Variants in GALNT3 observed in about 807,000 individuals in gnomAD.
The protein encoded by GALNT3 is polypeptide N-acetylgalactosaminyltransferase 3, also known as GalNAc transferase 3.
In GALNT3, 51 loss-of-function variants were observed where a neutral mutation model predicts 69.8. That is an observed-to-expected ratio of 0.73 (90% CI 0.58 to 0.92). The LOEUF is 0.92. Ranked by LOEUF, GALNT3 falls within the 40% of genes least tolerant of loss-of-function variation. The pLI is 0.00. For missense variants in GALNT3, 711 were observed against 760.0 expected, an observed-to-expected ratio of 0.94 and a Z score of 0.76; for synonymous variants, 265 against 248.5, an observed-to-expected ratio of 1.07 and a Z score of -0.63.
At position 165,761,886 on chromosome 2, in the gene GALNT3, TCC is replaced by T. The variant is rs1688555994; in HGVS notation, c.838+17_838+18del. On this transcript the variant is annotated intron_variant, in intron 4 of 10. Transcript: ENST00000392701. ...AGGGAGGGAAAATGTTACAACCATA[TCC>T]ATACATATATACTTACAGTGAGCAT... 1 of 1,613,260 alleles carries T rather than the reference TCC, an allele frequency of 6.2e-7. No individual in the cohort carries two copies. Among genetic ancestry groups the T allele is most frequent in the Non-Finnish European group, 8.5e-7 (1 of 1,179,390 alleles).
chr2:165,777,471 C>T (rs1037092089), intron 1 of GALNT3, among the ~76,000 whole-genome samples: 7 of 152,092 alleles, frequency 4.6e-5, no homozygotes, highest in Non-Finnish European at 1.0e-4. Context: ...GATAATAAAC[C>T]TTTAAGTGCT....
chr2:165,762,079 A>T, intron 3 of GALNT3, 25 bp from the exon 4 acceptor site: 1 of 1,469,540 alleles, frequency 6.8e-7, no homozygotes, highest in Non-Finnish European at 9.5e-7. Flanking sequence ...AATCAGGGTT[A>T]ATTCTTTCTA....
chr2:165,774,913 T>TC (rs1439992873), intron 1 of GALNT3, among the ~76,000 whole-genome samples: 1 of 139,728 alleles, frequency 7.2e-6, no homozygotes, highest in East Asian at 2.0e-4. Context: ...TTCTCTCTTT[T>TC]TTTTTTTTTT....
At chr2:165,752,559 C>T (rs1278739544) in intron 9 of GALNT3, among the ~76,000 whole-genome samples, 1 of 151,984 alleles carries the variant, frequency 6.6e-6, no homozygotes, top group Non-Finnish European at 1.5e-5. Flanking sequence ...TAGCTATATT[C>T]TATTTAAAAT....
chr2:165,773,740 G>GA (rs1457778443), intron 1 of GALNT3, among the ~76,000 whole-genome samples: 2 of 146,234 alleles, frequency 1.4e-5, no homozygotes, highest in Non-Finnish European at 3.0e-5. Context: ...TTTAAGAGTA[G>GA]AAAAAAAGAG....
chr2:165,792,378 A>G (rs1054128917), intron 1 of GALNT3, among the ~76,000 whole-genome samples: 1 of 152,224 alleles, frequency 6.6e-6, no homozygotes, highest in African/African-American at 2.4e-5. Flanking sequence ...AATTCAGGGA[A>G]CAACTCCTAT....
At chr2:165,758,278 T>G (rs1184747869) in intron 6 of GALNT3, among the ~76,000 whole-genome samples, 1 of 152,148 alleles carries the variant, frequency 6.6e-6, no homozygotes, top group East Asian at 1.9e-4. Context: ...TGAAATCAAA[T>G]ACATAAGGTA....
chr2:165,765,703 T>C (rs1688626477), intron 2 of GALNT3, among the ~76,000 whole-genome samples: 1 of 152,122 alleles, frequency 6.6e-6, no homozygotes, highest in African/African-American at 2.4e-5. Flanking sequence ...TTAGCCAGGA[T>C]GGTCTCGATC....
Position 165,749,748 on chromosome 2 carries a change from G to A in GALNT3, c.1773C>T (p.Ile591=), listed in dbSNP as rs763643230. 7.4e-6 allele frequency: 12 copies of A among 1,613,256 alleles called. No individual in the cohort carries two copies. In the East Asian group the frequency reaches 2.7e-4, roughly 36 times the overall value. The stretch of plus-strand genomic sequence containing the variant: ...ATTAATTGCACTGAGGTACCTTCTG[G>A]ATCTCCCATATCTGCTCTCCAGTGA... ...TVVTGEQIWE[I]QKDQLLYNPF... Residue 591 remains isoleucine (I), a synonymous_variant, in exon 10 of 11, where the codon ATC becomes ATT. Coordinates refer to ENST00000392701, the MANE Select transcript of GALNT3 (RefSeq NM_004482.4).
intron 1 of GALNT3, among the ~76,000 whole-genome samples, chr2:165,774,439 T>C (rs1688810265): frequency 6.6e-6 from 1 of 152,198 alleles, no homozygotes; most frequent in Non-Finnish European, 1.5e-5. Flanking sequence ...ATGTCAGAAA[T>C]CATACTTGTG....
At chr2:165,769,515 A>G (rs1454793799) in intron 2 of GALNT3, among the ~76,000 whole-genome samples, 1 of 151,368 alleles carries the variant, frequency 6.6e-6, no homozygotes, top group African/African-American at 2.4e-5. Flanking sequence ...GCACTTTGGG[A>G]GGCCAAGGCA....
chr2:165,785,692 A>G (rs918940714), intron 1 of GALNT3, among the ~76,000 whole-genome samples: 6 of 152,220 alleles, frequency 3.9e-5, no homozygotes, highest in Non-Finnish European at 8.8e-5. Context: ...ATAAAAAACA[A>G]AAGTCATAGT....
chr2:165,783,893 A>G (rs1683165431), intron 1 of GALNT3, among the ~76,000 whole-genome samples: 1 of 152,146 alleles, frequency 6.6e-6, no homozygotes, highest in South Asian at 2.1e-4. Flanking sequence ...TTTATTATAC[A>G]TAAAATCTGT....
intron 3 of GALNT3, 25 bp downstream of exon 3, chr2:165,764,859 A>G (rs1574003656): frequency 6.2e-7 from 1 of 1,612,704 alleles, no homozygotes; most frequent in Non-Finnish European, 8.5e-7. Flanking sequence ...TTGGGAAACA[A>G]TCTAATTTGC....
rs774681591 is a variant in GALNT3, at chr2:165,761,993, TCTGA to T, written c.746_749del (p.Val249AspfsTer8). On this transcript the variant is annotated frameshift_variant, in exon 4 of 11. Coordinates refer to ENST00000392701, the MANE Select transcript of GALNT3 (RefSeq NM_004482.4). LOFTEE classifies it high-confidence loss of function. Reference sequence around the variant, plus strand: ...TGATCAGACCTTTTCTTTCTCTTTGTCTGACTATTTTTACTATAGAAAATTGTTT... The same window carrying T: ...TGATCAGACCTTTTCTTTCTCTTTGTCTATTTTTACTATAGAAAATTGTTT... 3.0e-5 allele frequency: 49 copies of T among 1,610,150 alleles called. No homozygotes were observed. The highest frequency in any genetic ancestry group is 5.0e-5 in the Admixed American group (3 of 59,990).
intron 1 of GALNT3, among the ~76,000 whole-genome samples, chr2:165,792,810 C>G (rs1394625286): frequency 2.0e-5 from 3 of 151,916 alleles, no homozygotes; most frequent in African/African-American, 7.3e-5. Flanking sequence ...CTAATGGCAG[C>G]GTGTGACTTT....
At chr2:165,788,469 GTGT>G (rs1683274088) in intron 1 of GALNT3, among the ~76,000 whole-genome samples, 1 of 120,902 alleles carries the variant, frequency 8.3e-6, no homozygotes, top group African/African-American at 3.4e-5. Flanking sequence ...CCAAAAGGGT[GTGT>G]GTGTGTGTGT....
rs778066719 is a variant in GALNT3, at chr2:165,759,511, C to A, written c.898G>T (p.Ala300Ser). ...GATGCAATATCTGGACTTACGACAG[C>A]CGTGTAGTTCTCAGCTATTCTGGCC... ...LLARIAENYT[A>S]VVSPDIASID... The change falls in exon 5 of 11, where the codon GCT becomes TCT. Residue 300 changes from alanine to serine, a missense_variant. Coordinates refer to ENST00000392701, the MANE Select transcript of GALNT3 (RefSeq NM_004482.4). 2 of 1,614,012 alleles carry A rather than the reference C, an allele frequency of 1.2e-6. No homozygotes were observed. Among genetic ancestry groups the A allele is most frequent in the South Asian group, 2.2e-5 (2 of 91,078 alleles).
intron 1 of GALNT3, among the ~76,000 whole-genome samples, chr2:165,771,060 T>G (rs888655938): frequency 1.3e-5 from 2 of 152,144 alleles, no homozygotes; most frequent in African/African-American, 4.8e-5. Context: ...TTTTAAACTC[T>G]AATATCCACT....
Sources: gnomAD v4.1 joint callset for allele counts (sites outside exome capture counted in the v4.1 genomes callset) on GRCh38, gnomAD v4.1.1 for gene constraint, MANE v1.5 for transcripts, NCBI Gene and HGNC (gene_info 2026-07-23, HGNC 2026-07-21) for gene names.